The following STK31 variants were observed in gnomAD, a reference collection of about 807,000 sequenced individuals.
STK31 encodes the protein serine/threonine-protein kinase 31.
In STK31, 89 loss-of-function variants were observed where a neutral mutation model predicts 129.7. That is an observed-to-expected ratio of 0.69 (90% CI 0.58 to 0.82). STK31 has a LOEUF of 0.82. STK31 is among the 40% of genes least tolerant of loss of function. The pLI is 0.00. For synonymous variants in STK31, 448 were observed against 395.3 expected, an observed-to-expected ratio of 1.13 and a Z score of -1.58; for missense variants, 1,187 against 1,176.4, an observed-to-expected ratio of 1.01 and a Z score of -0.13.
chr7:23,740,716 A>G (rs553072207), intron 8 of STK31, among the ~76,000 whole-genome samples: 223 of 152,068 alleles, frequency 1.5e-3, no homozygotes, highest in African/African-American at 4.7e-3. Context: ...TCATTGTTCA[A>G]TTCCCACCTA....
chr7:23,746,002 C>G (rs1200453296), intron 8 of STK31, among the ~76,000 whole-genome samples: 1 of 152,226 alleles, frequency 6.6e-6, no homozygotes, highest in Non-Finnish European at 1.5e-5. Flanking sequence ...GCTCCTACCT[C>G]TTCGCGGGTA....
At chr7:23,778,501 A>G (rs1265119454) in intron 15 of STK31, among the ~76,000 whole-genome samples, 4 of 152,040 alleles carry the variant, frequency 2.6e-5, no homozygotes, top group South Asian at 2.1e-4. Flanking sequence ...GTCTTTTCAC[A>G]TAGTCGAATA....
chr7:23,810,829 AAT>A (rs1793077294), intron 22 of STK31, among the ~76,000 whole-genome samples: 1 of 140,924 alleles, frequency 7.1e-6, no homozygotes, highest in Non-Finnish European at 1.5e-5. Context: ...AATATGTATA[AAT>A]ATATATTTGT....
chr7:23,779,747 A>G (rs1428924009), intron 15 of STK31, among the ~76,000 whole-genome samples: 1 of 152,180 alleles, frequency 6.6e-6, no homozygotes, highest in African/African-American at 2.4e-5. Context: ...GAGAATTTCA[A>G]GCTAGTGGAT....
chr7:23,755,437 A>G lies in STK31; in HGVS notation c.1293+963A>G, dbSNP rs1410261552. 4.6e-5 allele frequency among the ~76,000 whole-genome samples: 7 copies of G among 151,840 alleles called. 1 individual carries two copies. In the South Asian group the frequency reaches 1.5e-3, roughly 32 times the overall value. ...AGATTGCAAAAATTTTCTTCTGTTCAGGAGAACAGGTTGCCTGTTCACTGT... is the reference window on the plus strand; with the variant it reads ...AGATTGCAAAAATTTTCTTCTGTTCGGGAGAACAGGTTGCCTGTTCACTGT... On this transcript the variant is annotated intron_variant, in intron 10 of 23. Coordinates refer to ENST00000355870, the MANE Select transcript of STK31 (RefSeq NM_031414.5).
chr7:23,750,067 T>TCTCCCCC (rs1788612132), intron 8 of STK31, among the ~76,000 whole-genome samples: 11 of 90,544 alleles, frequency 1.2e-4, no homozygotes, highest in Non-Finnish European at 1.6e-4. Flanking sequence ...ATGGTTTGTT[T>TCTCCCCC]CCCCCCCCGC....
intron 10 of STK31, among the ~76,000 whole-genome samples, 175 bp downstream of exon 10, chr7:23,754,649 AC>A (rs1438395615): frequency 6.8e-6 from 1 of 146,928 alleles, no homozygotes; most frequent in Non-Finnish European, 1.5e-5. Context: ...TCCCTCCCTC[AC>A]CCCCCCATTT....
intron 12 of STK31, 77 bp from the exon 13 acceptor site, chr7:23,769,563 C>G (rs1243470692): frequency 1.0e-6 from 1 of 985,546 alleles, no homozygotes; most frequent in African/African-American, 1.6e-5. Flanking sequence ...GCTTAATACT[C>G]TGCTTCAGGT....
chr7:23,797,681 C>G (rs1160220249), intron 22 of STK31, among the ~76,000 whole-genome samples: 8 of 152,110 alleles, frequency 5.3e-5, no homozygotes, highest in African/African-American at 2.4e-5. Flanking sequence ...AATCGACACC[C>G]TAACATCACA....
chr7:23,798,137 C>G (rs1792093396), intron 22 of STK31, among the ~76,000 whole-genome samples: 1 of 152,114 alleles, frequency 6.6e-6, no homozygotes. Context: ...AAGTCCAGGA[C>G]CAGACAGATA....
chr7:23,781,511 A>G lies in STK31; in HGVS notation c.2058A>G (p.Arg686=), dbSNP rs1430787999. The G allele has an allele frequency of 2.2e-5, 35 of 1,605,316 alleles. No homozygotes were observed. The highest frequency in any genetic ancestry group is 2.9e-5 in the Non-Finnish European group (34 of 1,176,000). Residue 686 remains arginine, a synonymous_variant, in exon 16 of 24, where the codon AGA becomes AGG. Coordinates refer to ENST00000355870, the MANE Select transcript of STK31 (RefSeq NM_031414.5). ...TCTTTCAGGAAATTTATCATGAGAGAGAGGAATATGTAAGTATTTGGTTCT... is the reference window on the plus strand; with the variant it reads ...TCTTTCAGGAAATTTATCATGAGAGGGAGGAATATGTAAGTATTTGGTTCT... ...NNVFQEIYHE[R]EEYEMLTSLA...
chr7:23,775,599 T>G (rs1358806543), intron 15 of STK31, among the ~76,000 whole-genome samples: 1 of 152,208 alleles, frequency 6.6e-6, no homozygotes, highest in African/African-American at 2.4e-5. Context: ...CAATTGTGAA[T>G]GGGAGTTCAC....
chr7:23,748,620 T>G (rs1286614586), intron 8 of STK31, among the ~76,000 whole-genome samples: 1 of 152,206 alleles, frequency 6.6e-6, no homozygotes, highest in African/African-American at 2.4e-5. Flanking sequence ...CTGCTCAATG[T>G]GAAGATGAGG....
At chr7:23,788,879 G>C (rs879752384) in intron 21 of STK31, among the ~76,000 whole-genome samples, 1 of 152,166 alleles carries the variant, frequency 6.6e-6, no homozygotes, top group South Asian at 2.1e-4. Context: ...TCACAAAGTC[G>C]TGCAGTGATA....
chr7:23,784,214 A>T (rs534961669), intron 17 of STK31, among the ~76,000 whole-genome samples: 117 of 152,238 alleles, frequency 7.7e-4, no homozygotes, highest in African/African-American at 2.5e-3. Context: ...TGAATCTGTT[A>T]GTCCTGCGAT....
intron 4 of STK31, among the ~76,000 whole-genome samples, chr7:23,724,568 C>T (rs1490008862): frequency 6.6e-6 from 1 of 152,182 alleles, no homozygotes; most frequent in South Asian, 2.1e-4. Flanking sequence ...GCATATCTGT[C>T]GCTTACCTTA....
chr7:23,826,412 G>C (rs1004285842), intron 23 of STK31, among the ~76,000 whole-genome samples: 1 of 152,066 alleles, frequency 6.6e-6, no homozygotes, highest in Non-Finnish European at 1.5e-5. Flanking sequence ...CTGAGACTAG[G>C]ATTGCAACCC....
chr7:23,753,333 G>T (rs1788837398), intron 9 of STK31, among the ~76,000 whole-genome samples: 1 of 152,176 alleles, frequency 6.6e-6, no homozygotes, highest in Non-Finnish European at 1.5e-5. Flanking sequence ...GTGAATTGGT[G>T]TGTCTGTATT....
chr7:23,768,384 GTGT>G (rs1789961172), intron 11 of STK31, among the ~76,000 whole-genome samples: 1 of 152,212 alleles, frequency 6.6e-6, no homozygotes, highest in South Asian at 2.1e-4. Flanking sequence ...GAAGATATCC[GTGT>G]TGTTAAGTGA....
Sources: gnomAD v4.1 joint callset for allele counts (sites outside exome capture counted in the v4.1 genomes callset) on GRCh38, gnomAD v4.1.1 for gene constraint, MANE v1.5 for transcripts, NCBI Gene and HGNC (gene_info 2026-07-23, HGNC 2026-07-21) for gene names.